The following PRKN variants were observed in gnomAD, a reference collection of about 807,000 sequenced individuals.
The protein encoded by PRKN is E3 ubiquitin-protein ligase parkin.
Under a neutral mutation model 59.5 loss-of-function variants are expected in PRKN, and 56 were observed. The ratio of observed to expected loss-of-function variants is 0.94; its 90% CI spans 0.76 to 1.18. The LOEUF is 1.18. Ranked by LOEUF, PRKN falls within the 50% of genes most tolerant of loss-of-function variation. The pLI, the probability that PRKN is intolerant of heterozygous loss-of-function variation, is 0.00. For synonymous variants in PRKN, 250 were observed against 222.1 expected (o/e 1.13, Z -1.12); for missense variants, 657 against 596.4 (o/e 1.10, Z -1.06).
intron 6 of PRKN, among the ~76,000 whole-genome samples, chr6:161,885,705 G>A (rs2128230730): frequency 6.7e-6 from 1 of 149,358 alleles, no homozygotes; most frequent in South Asian, 2.1e-4. Context: ...CCCTCCTGTA[G>A]AACAACATTC....
chr6:162,516,990 G>T (rs947941238), intron 1 of PRKN, among the ~76,000 whole-genome samples: 2 of 152,022 alleles, frequency 1.3e-5, no homozygotes, highest in Admixed American at 6.6e-5. Context: ...ATGGATAAAA[G>T]AGAATGTCCT....
chr6:161,878,634 C>T (rs1318221727), intron 6 of PRKN, among the ~76,000 whole-genome samples: 1 of 152,168 alleles, frequency 6.6e-6, no homozygotes, highest in East Asian at 1.9e-4. Flanking sequence ...AAGATAGTGA[C>T]AGCAGCACAT....
chr6:162,622,839 C>G (rs1782731424), intron 1 of PRKN, among the ~76,000 whole-genome samples: 2 of 152,116 alleles, frequency 1.3e-5, no homozygotes. Flanking sequence ...CCTGCCAAGA[C>G]AGACAAGTTT....
chr6:161,763,116 T>A (rs548183246), intron 7 of PRKN, among the ~76,000 whole-genome samples: 1 of 152,194 alleles, frequency 6.6e-6, no homozygotes, highest in East Asian at 1.9e-4. Context: ...AGAAAACTTA[T>A]GTGTCATTCA....
At chr6:162,287,568 T>G (rs1193818808) in intron 2 of PRKN, among the ~76,000 whole-genome samples, 1 of 150,866 alleles carries the variant, frequency 6.6e-6, no homozygotes, top group African/African-American at 2.5e-5. Flanking sequence ...ACCTTGCTCC[T>G]TGCAAAAAAA....
chr6:162,672,891 C>T (rs753983768), intron 1 of PRKN, among the ~76,000 whole-genome samples: 69 of 152,054 alleles, frequency 4.5e-4, no homozygotes, highest in Admixed American at 7.9e-4. Context: ...CTTGAAATGA[C>T]TATGTCAAGG....
chr6:161,367,775 G>A (rs917362896), intron 10 of PRKN, among the ~76,000 whole-genome samples: 1 of 152,214 alleles, frequency 6.6e-6, no homozygotes, highest in Non-Finnish European at 1.5e-5. Flanking sequence ...GGAAGGCTTT[G>A]AAGAAGTAAG....
chr6:162,668,476 G>C (rs1779188742), intron 1 of PRKN, among the ~76,000 whole-genome samples: 1 of 152,070 alleles, frequency 6.6e-6, no homozygotes, highest in African/African-American at 2.4e-5. Context: ...GCTATGGCTA[G>C]AAGAGAATGC....
rs1388389376 is a variant in PRKN at position 162,304,516 on chromosome 6, T to TATC, written c.172-41754_172-41752dup. On this transcript the variant is annotated intron_variant, in intron 2 of 11. Transcript: ENST00000366898. ...CTATCTATCTATCTATCTATCTATCTATCTATCTATCTATCTATCTATCTA... is the reference window on the plus strand; with the variant it reads ...CTATCTATCTATCTATCTATCTATCTATCATCTATCTATCTATCTATCTATCTA... 4.3e-3 allele frequency among the ~76,000 whole-genome samples: 611 copies of TATC among 143,524 alleles called. 36 individuals carry two copies. The highest frequency in any genetic ancestry group is 0.015 in the African/African-American group (596 of 38,858). 94.2% of individuals were successfully genotyped at this position (143,524 alleles called of 152,430 possible).
At chr6:162,333,344 T>G (rs945883542) in intron 2 of PRKN, among the ~76,000 whole-genome samples, 2 of 152,126 alleles carry the variant, frequency 1.3e-5, no homozygotes, top group Admixed American at 1.3e-4. Flanking sequence ...ACTGCATTTT[T>G]TAACAAATTG....
intron 4 of PRKN, among the ~76,000 whole-genome samples, chr6:162,166,045 C>T (rs1335529560): frequency 3.1e-5 from 1 of 31,942 alleles, no homozygotes; most frequent in African/African-American, 1.7e-4. Flanking sequence ...GAGACTCTAT[C>T]TCAAAAAAAA....
At chr6:162,676,630 AAAAG>A (rs1245674474) in intron 1 of PRKN, among the ~76,000 whole-genome samples, 6 of 152,184 alleles carry the variant, frequency 3.9e-5, no homozygotes, top group Non-Finnish European at 8.8e-5. Flanking sequence ...AGAGGGAGAG[AAAAG>A]AAAGAAAGAG....
At chr6:161,506,838 C>G (rs1207546701) in intron 9 of PRKN, among the ~76,000 whole-genome samples, 1 of 152,204 alleles carries the variant, frequency 6.6e-6, no homozygotes, top group Non-Finnish European at 1.5e-5. Flanking sequence ...GGCCATTGGT[C>G]TGCAGTACCA....
chr6:162,212,388 T>C (rs1785241604), intron 3 of PRKN, among the ~76,000 whole-genome samples: 1 of 149,284 alleles, frequency 6.7e-6, no homozygotes, highest in Non-Finnish European at 1.5e-5. Context: ...TTAAACCCTG[T>C]GAATGATCAA....
At chr6:162,196,144 C>T (rs1784486698) in intron 4 of PRKN, among the ~76,000 whole-genome samples, 1 of 152,158 alleles carries the variant, frequency 6.6e-6, no homozygotes, top group Admixed American at 6.5e-5. Context: ...GACTCCTCAG[C>T]CATGATCAGA....
chr6:162,268,732 A>G (rs1417258999), intron 2 of PRKN, among the ~76,000 whole-genome samples: 7 of 152,190 alleles, frequency 4.6e-5, no homozygotes, highest in Admixed American at 1.3e-4. Flanking sequence ...AACCCAGGCC[A>G]TCGACTCCTC....
At chr6:161,701,304 A>T (rs1786241530) in intron 7 of PRKN, among the ~76,000 whole-genome samples, 2 of 152,168 alleles carry the variant, frequency 1.3e-5, no homozygotes, top group African/African-American at 4.8e-5. Flanking sequence ...GTGACCCATT[A>T]TGTGTGACCT....
intron 1 of PRKN, among the ~76,000 whole-genome samples, chr6:162,459,259 A>G (rs1010050343): frequency 6.6e-6 from 1 of 152,176 alleles, no homozygotes; most frequent in Non-Finnish European, 1.5e-5. Flanking sequence ...TGTGCATAGT[A>G]AGCACTTATT....
chr6:162,020,153 CG>C (rs749792016), intron 5 of PRKN, among the ~76,000 whole-genome samples: 3 of 151,828 alleles, frequency 2.0e-5, no homozygotes, highest in Non-Finnish European at 4.4e-5. Context: ...ACTCTTCCTG[CG>C]GAGAACAACT....
Sources: gnomAD v4.1 joint callset for allele counts (sites outside exome capture counted in the v4.1 genomes callset) on GRCh38, gnomAD v4.1.1 for gene constraint, MANE v1.5 for transcripts, NCBI Gene and HGNC (gene_info 2026-07-23, HGNC 2026-07-21) for gene names.